Variants in SRGAP1 observed in about 807,000 individuals in gnomAD.
The protein encoded by SRGAP1 is SLIT-ROBO Rho GTPase-activating protein 1.
Under a neutral mutation model 121.9 loss-of-function variants are expected in SRGAP1, and 43 were observed. The observed-to-expected ratio is 0.35, with a 90% CI of 0.28 to 0.46. The LOEUF (loss-of-function observed/expected upper bound fraction) is 0.46. Among genes scored for constraint, SRGAP1 ranks in the 20% least tolerant of loss-of-function variants. The pLI is 1.00. For synonymous variants in SRGAP1, 447 were observed against 485.4 expected, an observed-to-expected ratio of 0.92 and a Z score of 1.04; for missense variants, 1,102 against 1,350.9, an observed-to-expected ratio of 0.82 and a Z score of 2.89.
intron 3 of SRGAP1, among the ~76,000 whole-genome samples, chr12:63,997,137 T>C (rs980822904): frequency 2.6e-5 from 4 of 152,098 alleles, no homozygotes; most frequent in Admixed American, 2.6e-4. Context: ...TGGTAAGTAT[T>C]TGAGTATCTA....
intron 1 of SRGAP1, among the ~76,000 whole-genome samples, chr12:63,867,400 A>G (rs929936565): frequency 6.6e-6 from 1 of 152,186 alleles, no homozygotes; most frequent in Non-Finnish European, 1.5e-5. Flanking sequence ...TTGTCTTTCA[A>G]ATGGAATAGT....
At chr12:64,033,008 T>C (rs569933899) in intron 4 of SRGAP1, among the ~76,000 whole-genome samples, 1 of 152,210 alleles carries the variant, frequency 6.6e-6, no homozygotes, top group Non-Finnish European at 1.5e-5. Flanking sequence ...AAATATTTTT[T>C]AAATCCCCAA....
At chr12:64,084,717 A>G (rs1304449282) in intron 10 of SRGAP1, among the ~76,000 whole-genome samples, 1 of 152,190 alleles carries the variant, frequency 6.6e-6, no homozygotes, top group Non-Finnish European at 1.5e-5. Context: ...AGCATTTTAC[A>G]TATCATTTTC....
Position 64,144,835 on chromosome 12 carries a change from A to ATTTTTTTTTTT in SRGAP1, c.*2163_*2164insTTTTTTTTTTT. 1.8e-5 allele frequency: 1 copy of ATTTTTTTTTTT among 55,774 alleles called. No individual in the cohort carries two copies. Among genetic ancestry groups the ATTTTTTTTTTT allele is most frequent in the Non-Finnish European group, 3.4e-5 (1 of 28,988 alleles). 3.5% of individuals were successfully genotyped at this position (55,774 alleles called of 1,614,324 possible). A position where few individuals can be genotyped will look rare whatever the true frequency, so the allele number is the denominator to read the frequency against. The stretch of plus-strand genomic sequence containing the variant: ...TTTAAACTTTCCAAAATAATCCCCC[A>ATTTTTTTTTTT]CTTTTTTTTTTTTTTTTTTTTTTTT... On this transcript the variant is annotated 3_prime_UTR_variant, in exon 22 of 22. Transcript: ENST00000355086.
intron 1 of SRGAP1, among the ~76,000 whole-genome samples, chr12:63,864,905 C>T (rs1400875831): frequency 6.6e-6 from 1 of 152,000 alleles, no homozygotes; most frequent in African/African-American, 2.4e-5. Context: ...AAATTCCACT[C>T]ATATAACTAT....
chr12:64,093,107 A>G (rs1439194896), intron 12 of SRGAP1, among the ~76,000 whole-genome samples: 2 of 152,176 alleles, frequency 1.3e-5, no homozygotes, highest in South Asian at 4.1e-4. Flanking sequence ...TGAAGACAGC[A>G]AGAGCAAAAC....
chr12:63,902,402 G>C (rs909785130), intron 1 of SRGAP1, among the ~76,000 whole-genome samples: 1 of 152,164 alleles, frequency 6.6e-6, no homozygotes, highest in African/African-American at 2.4e-5. Context: ...GGAAGCTGAA[G>C]CTCAAAGAGA....
At chr12:64,058,163 A>G (rs2035377915) in intron 6 of SRGAP1, among the ~76,000 whole-genome samples, 1 of 152,158 alleles carries the variant, frequency 6.6e-6, no homozygotes, top group South Asian at 2.1e-4. Context: ...GATGGTCCTC[A>G]ACTTACACTG....
chr12:63,854,994 T>C (rs1192723475), intron 1 of SRGAP1, among the ~76,000 whole-genome samples: 1 of 152,134 alleles, frequency 6.6e-6, no homozygotes, highest in Non-Finnish European at 1.5e-5. Context: ...TTGAGCAATG[T>C]GCTAGTTAAA....
intron 1 of SRGAP1, among the ~76,000 whole-genome samples, chr12:63,977,831 C>T (rs555506308): frequency 1.3e-5 from 2 of 152,174 alleles, no homozygotes; most frequent in South Asian, 4.2e-4. Context: ...AAATTTTAGC[C>T]TCCATTAAAA....
intron 1 of SRGAP1, among the ~76,000 whole-genome samples, chr12:63,868,167 C>T (rs1476844965): frequency 7.6e-5 from 11 of 145,132 alleles, no homozygotes; most frequent in Admixed American, 2.8e-4. Context: ...CTGCAACCTC[C>T]GCCTCCTGGG....
At chr12:64,132,238 C>T (rs913348126) in intron 21 of SRGAP1, among the ~76,000 whole-genome samples, 1 of 152,168 alleles carries the variant, frequency 6.6e-6, no homozygotes, top group African/African-American at 2.4e-5. Flanking sequence ...TCCTAGAGGC[C>T]TCCGCTGTGA....
chr12:64,024,848 C>G (rs554492619), intron 4 of SRGAP1, among the ~76,000 whole-genome samples: 5 of 152,298 alleles, frequency 3.3e-5, no homozygotes, highest in African/African-American at 1.2e-4. Flanking sequence ...CTCCTGAGAA[C>G]TCACTCACTA....
intron 1 of SRGAP1, among the ~76,000 whole-genome samples, chr12:63,874,261 T>G (rs1375242156): frequency 1.3e-5 from 2 of 152,122 alleles, no homozygotes; most frequent in African/African-American, 4.8e-5. Context: ...TGGAGTGCAG[T>G]GGCACGATCT....
intron 3 of SRGAP1, among the ~76,000 whole-genome samples, chr12:64,016,232 T>A (rs2034397179): frequency 6.6e-6 from 1 of 152,100 alleles, no homozygotes; most frequent in South Asian, 2.1e-4. Context: ...GATTACCGAG[T>A]TTGAGACCAG....
At chr12:63,952,510 T>C (rs1408971356) in intron 1 of SRGAP1, among the ~76,000 whole-genome samples, 1 of 151,968 alleles carries the variant, frequency 6.6e-6, no homozygotes, top group Non-Finnish European at 1.5e-5. Context: ...GTAAGACCTG[T>C]CTCTTAAAAA....
rs75414220 is a variant in SRGAP1, at chr12:63,919,223, A to G, written c.68-64724A>G. Among the ~76,000 whole-genome samples, 447 of 151,990 alleles carry G rather than the reference A, an allele frequency of 2.9e-3. 3 individuals carry two copies. Among genetic ancestry groups the G allele is most frequent in the African/African-American group, 0.01 (430 of 41,404 alleles). ...CAGGCACACACCACTATGCCTGGCT[A>G]CTTTCTGTATTTTTTGTAGAGACAG... On this transcript the variant is annotated intron_variant, in intron 1 of 21. Transcript: ENST00000355086.
intron 3 of SRGAP1, 126 bp downstream of exon 3, chr12:63,990,198 T>A: frequency 1.3e-6 from 1 of 752,576 alleles, no homozygotes; most frequent in Non-Finnish European, 2.1e-6. Context: ...AATAAACAGT[T>A]AAAAATTAGA....
intron 15 of SRGAP1, among the ~76,000 whole-genome samples, chr12:64,107,882 A>C (rs964370071): frequency 6.6e-6 from 1 of 152,192 alleles, no homozygotes; most frequent in African/African-American, 2.4e-5. Flanking sequence ...ACAGCTTTAC[A>C]AAGTGGTAGT....
Sources: allele counts gnomAD v4.1 joint callset (sites outside exome capture counted in the v4.1 genomes callset), GRCh38; gene constraint gnomAD v4.1.1; transcripts MANE v1.5; gene names NCBI Gene and HGNC (gene_info 2026-07-23, HGNC 2026-07-21).